PLEKHD1: variants seen among roughly 807,000 people sequenced by gnomAD.
PLEKHD1 encodes the protein pleckstrin homology domain-containing family D member 1.
In PLEKHD1, 51 loss-of-function variants were observed where a neutral mutation model predicts 69.2. The observed-to-expected ratio is 0.74, with a 90% CI of 0.59 to 0.93. The LOEUF (loss-of-function observed/expected upper bound fraction) is 0.93, where lower values mean the gene tolerates loss of function less well. Among genes scored for constraint, PLEKHD1 ranks in the 40% least tolerant of loss-of-function variants. The probability of loss-of-function intolerance (pLI) is 0.00; values close to 1 mark genes in which losing one functional copy is unlikely to be tolerated. For synonymous variants in PLEKHD1, 236 were observed against 244.7 expected, an observed-to-expected ratio of 0.96 and a Z score of 0.33; for missense variants, 584 against 641.0, an observed-to-expected ratio of 0.91 and a Z score of 0.96.
intron 6 of PLEKHD1, among the ~76,000 whole-genome samples, chr14:69,507,284 T>C (rs1228750561): frequency 6.6e-6 from 1 of 152,228 alleles, no homozygotes; most frequent in Non-Finnish European, 1.5e-5. Context: ...GATTGGCTTC[T>C]TTCACTTAGT....
intron 1 of PLEKHD1, among the ~76,000 whole-genome samples, chr14:69,498,062 T>A (rs540394655): frequency 0.11 from 10,967 of 103,014 alleles, 603 homozygotes; most frequent in South Asian, 0.18. Flanking sequence ...ATTTTATTTA[T>A]TTTATTTTAT....
intron 11 of PLEKHD1, 59 bp from the exon 12 acceptor site, chr14:69,527,724 G>C (rs1883688008): frequency 2.0e-6 from 3 of 1,531,274 alleles, no homozygotes; most frequent in South Asian, 2.4e-5. Context: ...GGAAGGGAGG[G>C]ACTGGCTGGG....
In PLEKHD1 at chr14:69,500,639, C is replaced by T; in HGVS notation, c.306C>T (p.Ala102=). 6.4e-7 allele frequency: 1 copy of T among 1,551,468 alleles called. No individual in the cohort carries two copies. The highest frequency in any genetic ancestry group is 2.4e-5 in the East Asian group (1 of 40,918). Residue 102 remains alanine (A), a synonymous_variant, in exon 3 of 13, where the codon GCC becomes GCT. Transcript: ENST00000322564. Reference sequence around the variant, plus strand: ...AGGAAGAGCCTAGCATGCCCTATGCCATGAAGATCTCCCACCAGGACTTCC... The same window carrying T: ...AGGAAGAGCCTAGCATGCCCTATGCTATGAAGATCTCCCACCAGGACTTCC... The part of the protein sequence containing the change: ...EPKEEPSMPY[A]MKISHQDFHG...
rs1376886045 is a variant in PLEKHD1 at position 69,531,145 on chromosome 14, C to T, written c.*2726C>T. 1 of 152,002 alleles carries T rather than the reference C, an allele frequency of 6.6e-6. No individual in the cohort carries two copies. Among genetic ancestry groups the T allele is most frequent in the Non-Finnish European group, 1.5e-5 (1 of 67,994 alleles). The allele number at this position is 152,002 out of a possible 1,614,324, so 9.4% of individuals were successfully genotyped here. ...CTCAGAAAAAAAAAAAAGGTCCCAC[C>T]TCTTAATATTGTTACAATGGCAATC... is the stretch of plus-strand genomic sequence containing the variant. On this transcript the variant is annotated 3_prime_UTR_variant, in exon 13 of 13. Transcript: ENST00000322564.
At chr14:69,498,057 ATTTAT>A (rs778122389) in intron 1 of PLEKHD1, among the ~76,000 whole-genome samples, 1,930 of 124,612 alleles carry the variant, frequency 0.015, 29 homozygotes, top group Admixed American at 0.046. Context: ...ATTTTATTTT[ATTTAT>A]TTTATTTTAT....
At chr14:69,473,987 T>C in the PLEKHD1 span, among the ~76,000 whole-genome samples, 2 of 152,154 alleles carry the variant, frequency 1.3e-5, no homozygotes, top group Non-Finnish European at 2.9e-5. Flanking sequence ...CAGTAGAACC[T>C]ATATTGTATT....
rs369886384 is a variant in PLEKHD1, at chr14:69,528,424, C to T, written c.*5C>T. The T allele has an allele frequency of 1.3e-3, 1,984 of 1,549,494 alleles. 25 individuals are homozygous for T. In the African/African-American group the frequency reaches 0.024, roughly 19 times the overall value. ...CTCTCCCGGGGTGGAAAGTGATGGG[C>T]GCTCCTCCCCTGCTTCCCAAGTCTC... is the stretch of plus-strand genomic sequence containing the variant. On this transcript the variant is annotated 3_prime_UTR_variant, in exon 13 of 13. Coordinates refer to ENST00000322564, the MANE Select transcript of PLEKHD1 (RefSeq NM_001161498.2).
chr14:69,468,202 G>A, the PLEKHD1 span, among the ~76,000 whole-genome samples: 1 of 152,210 alleles, frequency 6.6e-6, no homozygotes, highest in Non-Finnish European at 1.5e-5. Flanking sequence ...AGTGTTCAGA[G>A]CCGTGAGTTA....
intron 1 of PLEKHD1, among the ~76,000 whole-genome samples, chr14:69,497,867 T>A (rs563104816): frequency 2.0e-5 from 3 of 152,136 alleles, no homozygotes; most frequent in African/African-American, 7.2e-5. Flanking sequence ...GTTTGTTATG[T>A]GGCCGGTCAG....
At chr14:69,502,530 T>C (rs1362588031) in intron 5 of PLEKHD1, 1 of 414,792 alleles carries the variant, frequency 2.4e-6, no homozygotes, top group African/African-American at 2.0e-5. Context: ...AGGTGGAAGG[T>C]GGGTGTGGGA....
intron 1 of PLEKHD1, among the ~76,000 whole-genome samples, chr14:69,490,107 A>G (rs1342170169): frequency 2.6e-5 from 4 of 152,176 alleles, no homozygotes; most frequent in Admixed American, 2.6e-4. Flanking sequence ...ACCTCAGGTG[A>G]TCTGCCCGCC....
chr14:69,467,974 G>A, the PLEKHD1 span, among the ~76,000 whole-genome samples: 2 of 152,320 alleles, frequency 1.3e-5, no homozygotes, highest in South Asian at 4.1e-4. Context: ...CCAAATTCCT[G>A]TAGTTCTCCA....
At chr14:69,485,568 A>G (rs911635591) in intron 1 of PLEKHD1, among the ~76,000 whole-genome samples, 2 of 124,198 alleles carry the variant, frequency 1.6e-5, no homozygotes, top group Admixed American at 1.5e-4. Flanking sequence ...CCAACCACCC[A>G]CCCTTAAGAC....
intron 6 of PLEKHD1, among the ~76,000 whole-genome samples, chr14:69,508,412 A>C (rs190883636): frequency 0.023 from 3,449 of 152,072 alleles, 59 homozygotes; most frequent in Middle Eastern, 0.058. Context: ...TCTCAAAAAA[A>C]AAAAACAAAA....
At chr14:69,478,899 A>T in the PLEKHD1 span, among the ~76,000 whole-genome samples, 1 of 152,196 alleles carries the variant, frequency 6.6e-6, no homozygotes, top group East Asian at 1.9e-4. Context: ...GTAACTTTTC[A>T]GCAGCACCCT....
chr14:69,510,153 C>A (rs749908032), intron 6 of PLEKHD1, among the ~76,000 whole-genome samples: 97 of 152,126 alleles, frequency 6.4e-4, no homozygotes, highest in Admixed American at 1.6e-3. Context: ...CAATTTTCTC[C>A]TTCAATATTG....
At chr14:69,496,702 A>ATTTTTTTTTTTT (rs375368521) in intron 1 of PLEKHD1, among the ~76,000 whole-genome samples, 1 of 112,920 alleles carries the variant, frequency 8.9e-6, no homozygotes, top group Non-Finnish European at 1.8e-5. Flanking sequence ...TGCCCAGCTA[A>ATTTTTTTTTTTT]TTTTTTTTTT....
intron 1 of PLEKHD1, among the ~76,000 whole-genome samples, chr14:69,494,061 G>A (rs371969226): frequency 4.1e-4 from 62 of 152,292 alleles, no homozygotes; most frequent in South Asian, 1.0e-3. Flanking sequence ...GGAAAAGGAG[G>A]TCAGGGGAGA....
At chr14:69,510,529 A>G (rs78543361) in intron 6 of PLEKHD1, among the ~76,000 whole-genome samples, 5 of 150,670 alleles carry the variant, frequency 3.3e-5, no homozygotes, top group Non-Finnish European at 5.9e-5. Context: ...TCTTCAAAAG[A>G]AAAAAAAAAT....
Sources: gnomAD v4.1 joint callset for allele counts (sites outside exome capture counted in the v4.1 genomes callset) on GRCh38, gnomAD v4.1.1 for gene constraint, MANE v1.5 for transcripts, NCBI Gene and HGNC (gene_info 2026-07-23, HGNC 2026-07-21) for gene names.